The following COPB2 variants were observed in gnomAD, a reference collection of about 807,000 sequenced individuals.
COPB2 encodes the protein coat protein complex I subunit beta 2.
Under a neutral mutation model 120.8 loss-of-function variants are expected in COPB2, and 16 were observed. The ratio of observed to expected loss-of-function variants is 0.13; its 90% CI spans 0.09 to 0.20. The LOEUF (loss-of-function observed/expected upper bound fraction) is 0.20. COPB2 is among the 10% of genes least tolerant of loss of function. The pLI is 1.00. For synonymous variants in COPB2, 332 were observed against 366.3 expected, an observed-to-expected ratio of 0.91 and a Z score of 1.07; for missense variants, 794 against 1,076.5, an observed-to-expected ratio of 0.74 and a Z score of 3.67.
intron 16 of COPB2, among the ~76,000 whole-genome samples, chr3:139,361,739 C>G (rs1363465392): frequency 6.6e-6 from 1 of 152,168 alleles, no homozygotes; most frequent in Non-Finnish European, 1.5e-5. Context: ...TTTAGATGAT[C>G]TTAACGTAGC....
At chr3:139,364,061 T>C (rs1941472593) in intron 15 of COPB2, among the ~76,000 whole-genome samples, 1 of 151,938 alleles carries the variant, frequency 6.6e-6, no homozygotes, top group Non-Finnish European at 1.5e-5. Context: ...TTTAAAGGCA[T>C]AAGCTCCCAA....
chr3:139,368,054 T>A (rs1384804422), intron 13 of COPB2, 91 bp downstream of exon 13: 8 of 1,403,042 alleles, frequency 5.7e-6, no homozygotes, highest in Non-Finnish European at 7.6e-6. Context: ...ACCTAATTTA[T>A]AACGAAATGT....
In COPB2 at chr3:139,357,962, C is replaced by T. The variant is rs200977316; in HGVS notation, c.2626-4G>A. ...CTACTTCTAGTTCGAGTAAACTCTG[C>T]AGACAAAAGGAAGAGGGTAATTAAG... On this transcript the variant is annotated splice_region_variant and splice_polypyrimidine_tract_variant and intron_variant, in intron 21 of 21. Coordinates refer to ENST00000333188, the MANE Select transcript of COPB2 (RefSeq NM_004766.3). 6.5e-7 allele frequency: 1 copy of T among 1,545,146 alleles called. No individual in the cohort carries two copies. The highest frequency in any genetic ancestry group is 1.4e-5 in the African/African-American group (1 of 73,584).
chr3:139,368,361 T>C, intron 12 of COPB2, 73 bp from the exon 13 acceptor site: 1 of 1,440,970 alleles, frequency 6.9e-7, no homozygotes, highest in Non-Finnish European at 9.4e-7. Flanking sequence ...CATACTTGGT[T>C]TCTTACAACA....
chr3:139,360,192 TAAA>T (rs10665711), intron 17 of COPB2, among the ~76,000 whole-genome samples: 2 of 147,526 alleles, frequency 1.4e-5, no homozygotes, highest in Admixed American at 6.7e-5. Context: ...TATGGGATTG[TAAA>T]AAAAAAAAAA....
intron 18 of COPB2, 39 bp from the exon 19 acceptor site, chr3:139,359,217 A>C (rs555898384): frequency 6.2e-7 from 1 of 1,611,004 alleles, no homozygotes; most frequent in African/African-American, 1.3e-5. Flanking sequence ...AGACTAAGTA[A>C]ATGTGCTCTC....
intron 5 of COPB2, among the ~76,000 whole-genome samples, chr3:139,377,454 G>A (rs941092209): frequency 2.0e-5 from 3 of 152,244 alleles, no homozygotes; most frequent in African/African-American, 7.2e-5. Flanking sequence ...ACAGTTCAAT[G>A]AAGTAAGGTT....
rs1389895195 is a variant in COPB2 at position 139,361,021 on chromosome 3, T to C, written c.2210+60A>G. 37 of 1,567,936 alleles carry C rather than the reference T, an allele frequency of 2.4e-5. 1 individual carries two copies. The highest frequency in any genetic ancestry group is 8.7e-7 in the Non-Finnish European group (1 of 1,143,356). ...GTTCTCTCCAGGGTTCATTCTTCACTTCCCTCTCCAAAAACCATCCTCAGT... is the reference window on the plus strand; with the variant it reads ...GTTCTCTCCAGGGTTCATTCTTCACCTCCCTCTCCAAAAACCATCCTCAGT... On this transcript the variant is annotated intron_variant, in intron 17 of 21. Transcript: ENST00000333188.
intron 20 of COPB2, 43 bp from the exon 21 acceptor site, chr3:139,358,314 A>G (rs776004217): frequency 7.8e-6 from 12 of 1,535,464 alleles, no homozygotes; most frequent in Admixed American, 1.7e-5. Flanking sequence ...AAGGGAATTT[A>G]CTCGGGAATT....
At chr3:139,371,888 G>A (rs1450723001) in intron 9 of COPB2, 55 bp from the exon 10 acceptor site, 2 of 1,330,184 alleles carry the variant, frequency 1.5e-6, no homozygotes, top group South Asian at 1.2e-5. Context: ...ACATGTAGAA[G>A]TTAAGGAACA....
chr3:139,373,524 T>G, intron 8 of COPB2, 112 bp from the exon 9 acceptor site: 1 of 1,502,024 alleles, frequency 6.7e-7, no homozygotes, highest in Non-Finnish European at 9.1e-7. Context: ...TCTTCCACTT[T>G]AAATCTTCAT....
intron 13 of COPB2, among the ~76,000 whole-genome samples, chr3:139,367,596 T>C (rs1941542285): frequency 6.6e-6 from 1 of 152,132 alleles, no homozygotes; most frequent in South Asian, 2.1e-4. Flanking sequence ...CTGGAATTTC[T>C]TTCTTCATTT....
chr3:139,388,054 A>G (rs1941956610), intron 1 of COPB2, among the ~76,000 whole-genome samples: 1 of 152,206 alleles, frequency 6.6e-6, no homozygotes, highest in South Asian at 2.1e-4. Flanking sequence ...ATATATAAAG[A>G]ATGAAGGCAA....
chr3:139,389,253 T>C lies in COPB2; in HGVS notation c.3+295A>G, dbSNP rs372333856. ...CGGAGTTCAACACATTCGGCTTCTG[T>C]GTTTCCCTACACCACCGATCCCGCT... is the stretch of plus-strand genomic sequence containing the variant. On this transcript the variant is annotated intron_variant, in intron 1 of 21. Transcript: ENST00000333188. Among the ~76,000 whole-genome samples the C allele has an allele frequency of 1.2e-4, 18 of 152,352 alleles. No homozygotes were observed. The South Asian group carries it at 3.7e-3, about 32-fold the overall frequency.
intron 17 of COPB2, among the ~76,000 whole-genome samples, chr3:139,360,800 T>C (rs1290188532): frequency 2.6e-5 from 4 of 152,172 alleles, no homozygotes; most frequent in African/African-American, 2.4e-5. Context: ...AATAAAATGC[T>C]TCCACCATTA....
intron 14 of COPB2, 106 bp from the exon 15 acceptor site, chr3:139,366,881 A>G: frequency 6.8e-7 from 1 of 1,478,016 alleles, no homozygotes; most frequent in Non-Finnish European, 9.3e-7. Context: ...TGATTGACAC[A>G]ATTCTGGTTA....
At chr3:139,361,330 T>C (rs1941415435) in intron 16 of COPB2, 35 bp from the exon 17 acceptor site, 1 of 1,579,186 alleles carries the variant, frequency 6.3e-7, no homozygotes, top group Non-Finnish European at 8.7e-7. Flanking sequence ...AAAATATCTT[T>C]AGAAATAAGC....
chr3:139,359,238 A>C (rs974871592), intron 18 of COPB2, 32 bp downstream of exon 18: 13 of 1,612,414 alleles, frequency 8.1e-6, no homozygotes, highest in Non-Finnish European at 1.0e-5. Context: ...TTTTTATTGG[A>C]AACATTTCTT....
At chr3:139,365,636 G>A (rs930507010) in intron 15 of COPB2, among the ~76,000 whole-genome samples, 3 of 152,170 alleles carry the variant, frequency 2.0e-5, no homozygotes, top group Non-Finnish European at 4.4e-5. Flanking sequence ...TCCATGATGA[G>A]AGCAGGAAAA....
Sources: gnomAD v4.1 joint callset for allele counts (sites outside exome capture counted in the v4.1 genomes callset) on GRCh38, gnomAD v4.1.1 for gene constraint, MANE v1.5 for transcripts, NCBI Gene and HGNC (gene_info 2026-07-23, HGNC 2026-07-21) for gene names.